Variants in LUZP1 observed in about 807,000 individuals in gnomAD.
LUZP1 encodes filamin mechanobinding actin cross-linking protein.
LUZP1 carries 25 observed loss-of-function variants against 71.3 expected under a neutral mutation model. The observed-to-expected ratio is 0.35, with a 90% CI of 0.26 to 0.49. The LOEUF is 0.49. Among genes scored for constraint, LUZP1 ranks in the 20% least tolerant of loss-of-function variants. LUZP1 has a pLI of 0.99. For missense variants in LUZP1, 1,142 were observed against 1,300.8 expected (o/e 0.88, Z 1.88); for synonymous variants, 481 against 506.4 (o/e 0.95, Z 0.67).
intron 2 of LUZP1, among the ~76,000 whole-genome samples, chr1:23,135,471 G>T (rs1314045354): frequency 6.6e-6 from 1 of 152,182 alleles, no homozygotes; most frequent in Non-Finnish European, 1.5e-5. Context: ...CAAGAGAATT[G>T]TATTTGTGAT....
At chr1:23,124,403 G>T (rs1644154401) in intron 2 of LUZP1, among the ~76,000 whole-genome samples, 1 of 152,088 alleles carries the variant, frequency 6.6e-6, no homozygotes, top group Non-Finnish European at 1.5e-5. Flanking sequence ...GACTTTAAGG[G>T]AGTCAAGTGG....
At chr1:23,127,859 G>A (rs1243360572) in intron 2 of LUZP1, among the ~76,000 whole-genome samples, 6 of 152,140 alleles carry the variant, frequency 3.9e-5, no homozygotes, top group Admixed American at 6.5e-5. Context: ...GTGGCCGGGC[G>A]TGGTGGCTCA....
At chr1:23,091,415 G>A in exon 4 of LUZP1, 1 of 1,614,190 alleles carries the variant, frequency 6.2e-7, no homozygotes, top group Non-Finnish European at 8.5e-7. Context: ...TGTAGGCATT[G>A]CTATTGGTAG....
intron 2 of LUZP1, among the ~76,000 whole-genome samples, chr1:23,149,079 TAAA>T (rs58910170): frequency 2.7e-5 from 1 of 37,408 alleles, no homozygotes; most frequent in Admixed American, 3.7e-4. Context: ...ACACCTTGCC[TAAA>T]AAAAAAAAAA....
At chr1:23,127,771 C>T (rs1385568147) in intron 2 of LUZP1, among the ~76,000 whole-genome samples, 1 of 152,160 alleles carries the variant, frequency 6.6e-6, no homozygotes, top group Non-Finnish European at 1.5e-5. Context: ...AATCCGCCCA[C>T]CTCGGCCTCC....
At chr1:23,171,323 C>A (rs1186619769) in intron 1 of LUZP1, among the ~76,000 whole-genome samples, 1 of 152,194 alleles carries the variant, frequency 6.6e-6, no homozygotes, top group Admixed American at 6.5e-5. Flanking sequence ...CTCCAGTCTG[C>A]AGACCCCAGA....
chr1:23,163,383 CA>C (rs796743872), intron 2 of LUZP1, among the ~76,000 whole-genome samples: 25,765 of 133,108 alleles, frequency 0.19, 2,287 homozygotes, highest in East Asian at 0.29. Context: ...CCTATCTCTA[CA>C]AAAAAAAAAA....
intron 2 of LUZP1, among the ~76,000 whole-genome samples, chr1:23,127,647 C>T (rs1231501809): frequency 1.3e-5 from 2 of 152,114 alleles, no homozygotes; most frequent in African/African-American, 4.8e-5. Context: ...CCTCAGCCTC[C>T]CAAGTAGCTG....
chr1:23,091,512 T>C, exon 4 of LUZP1: 3 of 1,614,184 alleles, frequency 1.9e-6, no homozygotes, highest in South Asian at 1.1e-5. Context: ...CACAGTAACA[T>C]GTCTGGCATC....
At chr1:23,153,719 A>G (rs549208116) in intron 2 of LUZP1, among the ~76,000 whole-genome samples, 3 of 152,226 alleles carry the variant, frequency 2.0e-5, no homozygotes, top group African/African-American at 7.2e-5. Context: ...CAGTCATGGC[A>G]CTTTGGGAGT....
At chr1:23,133,902 T>TA (rs1644233794) in intron 2 of LUZP1, among the ~76,000 whole-genome samples, 1 of 152,124 alleles carries the variant, frequency 6.6e-6, no homozygotes, top group African/African-American at 2.4e-5. Context: ...ACCCTGAATC[T>TA]AAGTACAAGA....
At chr1:23,146,056 G>C (rs906173017) in intron 2 of LUZP1, among the ~76,000 whole-genome samples, 1 of 151,920 alleles carries the variant, frequency 6.6e-6, no homozygotes, top group African/African-American at 2.4e-5. Flanking sequence ...TTTCAAGACA[G>C]AGTCTCCCTC....
intron 2 of LUZP1, among the ~76,000 whole-genome samples, chr1:23,145,866 A>C (rs2124718085): frequency 6.6e-6 from 1 of 152,344 alleles, no homozygotes; most frequent in African/African-American, 2.4e-5. Flanking sequence ...CTGGAATTCA[A>C]ACTCAATTCA....
At position 23,093,729 on chromosome 1, in the gene LUZP1, C is replaced by T. The variant is rs1426982542; in HGVS notation, c.533G>A (p.Ser178Asn). 1 of 1,613,756 alleles carries T rather than the reference C, an allele frequency of 6.2e-7. No individual in the cohort carries two copies. Among genetic ancestry groups the T allele is most frequent in the South Asian group, 1.1e-5 (1 of 91,076 alleles). The change falls in exon 4 of 5, where the codon AGT becomes AAT. Residue 178 changes from serine to asparagine, a missense_variant. Coordinates refer to ENST00000302291, the Ensembl canonical transcript of LUZP1. The surrounding 1 kb of genome is among the most constrained non-coding windows in gnomAD (Gnocchi z 4.2). ...CAGCTTTTCTAACTCTGACGCTAAA[C>T]TCTGCTCAGTTTTATCCAGGCGGTC...
At chr1:23,175,602 T>C (rs935820378) in intron 1 of LUZP1, among the ~76,000 whole-genome samples, 8 of 152,176 alleles carry the variant, frequency 5.3e-5, no homozygotes, top group African/African-American at 1.9e-4. Flanking sequence ...TCCCTTTCTG[T>C]CCCTAGTACA....
chr1:23,103,234 C>T (rs528915630), intron 3 of LUZP1, among the ~76,000 whole-genome samples: 20 of 152,076 alleles, frequency 1.3e-4, no homozygotes, highest in Admixed American at 8.5e-4. Context: ...CGCGAGCCAC[C>T]GCCCCTGGCC....
intron 1 of LUZP1, among the ~76,000 whole-genome samples, chr1:23,173,452 C>T (rs760851402): frequency 5.4e-5 from 8 of 147,138 alleles, no homozygotes; most frequent in East Asian, 2.0e-4. Context: ...TTCCCAGGCT[C>T]GAGTAATCCT....
chr1:23,116,729 C>G (rs1644082456), intron 2 of LUZP1, among the ~76,000 whole-genome samples: 1 of 152,120 alleles, frequency 6.6e-6, no homozygotes, highest in Admixed American at 6.5e-5. Context: ...AATGAGGGTA[C>G]TATCCTAGCA....
intron 3 of LUZP1, among the ~76,000 whole-genome samples, chr1:23,108,513 T>C (rs999827596): frequency 6.6e-6 from 1 of 152,018 alleles, no homozygotes; most frequent in African/African-American, 2.4e-5. Flanking sequence ...GGTGGGAGGA[T>C]CACCTGAGCC....
Sources: allele counts gnomAD v4.1 joint callset (sites outside exome capture counted in the v4.1 genomes callset), GRCh38; gene constraint gnomAD v4.1.1; non-coding constraint Gnocchi (gnomAD v3.1); transcripts MANE v1.5; gene names NCBI Gene and HGNC (gene_info 2026-07-23, HGNC 2026-07-21).